PLAC1: variants seen among roughly 807,000 people sequenced by gnomAD.
The protein encoded by PLAC1 is placenta associated 1.
For missense variants in PLAC1, 136 were observed against 163.2 expected, an observed-to-expected ratio of 0.83 and a Z score of 0.91; for synonymous variants, 68 against 62.1, an observed-to-expected ratio of 1.09 and a Z score of -0.44.
intron 2 of PLAC1, among the ~76,000 whole-genome samples, chrX:134,588,519 G>T (rs2078018211): frequency 9.2e-6 from 1 of 108,965 alleles, no homozygotes; most frequent in Non-Finnish European, 1.9e-5. Flanking sequence ...AAATGCTGGT[G>T]AATAAATGAC....
intron 2 of PLAC1, among the ~76,000 whole-genome samples, chrX:134,663,514 G>A (rs748477530): frequency 8.8e-6 from 1 of 113,163 alleles, no homozygotes; most frequent in East Asian, 2.8e-4. Flanking sequence ...ACACTGGTAA[G>A]AAGGGGCATA....
chrX:134,613,060 TGGTAACCCCAGCAACTC>T (rs1389905820), intron 1 of PLAC1, among the ~76,000 whole-genome samples: 1 of 110,589 alleles, frequency 9.0e-6, no homozygotes, highest in East Asian at 2.9e-4. Flanking sequence ...TGGCTAACAC[TGGTAACCCCAGCAACTC>T]GGGAGGCTGA....
At chrX:134,632,511 C>G (rs1424575211) in intron 1 of PLAC1, among the ~76,000 whole-genome samples, 1 of 111,328 alleles carries the variant, frequency 9.0e-6, no homozygotes, top group East Asian at 2.8e-4. Flanking sequence ...CATATTTCCT[C>G]ATCTCCCAGG....
chrX:134,666,085 G>A (rs1569401127), intron 2 of PLAC1, among the ~76,000 whole-genome samples: 2 of 111,443 alleles, frequency 1.8e-5, no homozygotes, highest in South Asian at 3.8e-4. Flanking sequence ...GCAAGCAAAC[G>A]CAGAATCGGG....
chrX:134,574,649 C>T (rs2077927934), intron 2 of PLAC1, among the ~76,000 whole-genome samples: 1 of 111,998 alleles, frequency 8.9e-6, no homozygotes, highest in Non-Finnish European at 1.9e-5. Flanking sequence ...ACTCTTTGTA[C>T]CCCTTTTCCT....
intron 1 of PLAC1, among the ~76,000 whole-genome samples, chrX:134,747,642 A>G (rs1424715468): frequency 9.0e-6 from 1 of 111,589 alleles, no homozygotes; most frequent in Non-Finnish European, 1.9e-5. Flanking sequence ...GAGAGTCAGG[A>G]AACTTGCTGT....
At chrX:134,705,021 T>TATATATATATAC (rs1284412646) in intron 2 of PLAC1, among the ~76,000 whole-genome samples, 8 of 98,281 alleles carry the variant, frequency 8.1e-5, no homozygotes, top group African/African-American at 3.1e-4. Flanking sequence ...TATATATATA[T>TATATATATATAC]ACACACACAC....
chrX:134,641,018 G>A (rs180900478), intron 1 of PLAC1, among the ~76,000 whole-genome samples: 62 of 112,056 alleles, frequency 5.5e-4, no homozygotes, highest in African/African-American at 1.8e-3. Flanking sequence ...AAACTGAGGC[G>A]AGAGGATTGA....
chrX:134,680,917 G>T (rs1173113936), intron 2 of PLAC1, among the ~76,000 whole-genome samples: 1 of 111,688 alleles, frequency 9.0e-6, no homozygotes, highest in Non-Finnish European at 1.9e-5. Context: ...AAGGACCCAA[G>T]TGCCCAGAGA....
At chrX:134,570,003 T>C (rs1242705297) in intron 2 of PLAC1, among the ~76,000 whole-genome samples, 1 of 110,541 alleles carries the variant, frequency 9.0e-6, no homozygotes, top group African/African-American at 3.3e-5. Context: ...CTAATTTTTG[T>C]ATTTTTAGTA....
At chrX:134,638,756 CT>C (rs898945328) in intron 1 of PLAC1, among the ~76,000 whole-genome samples, 3 of 102,622 alleles carry the variant, frequency 2.9e-5, no homozygotes, top group Non-Finnish European at 4.0e-5. Context: ...CCATTGCTGG[CT>C]TTTTTAAAAA....
chrX:134,617,187 T>C (rs1368640828), intron 1 of PLAC1, among the ~76,000 whole-genome samples: 1 of 110,601 alleles, frequency 9.0e-6, no homozygotes, highest in East Asian at 2.8e-4. Context: ...CAGGGTTTCG[T>C]CATGTTGGCC....
chrX:134,605,205 C>T (rs1352981738), intron 1 of PLAC1, among the ~76,000 whole-genome samples: 2 of 111,890 alleles, frequency 1.8e-5, no homozygotes, highest in East Asian at 5.6e-4. Flanking sequence ...TTAGTCTCAG[C>T]TGCCAGCTTA....
chrX:134,565,896 GA>G lies in PLAC1; in HGVS notation c.*147del. The G allele has an allele frequency of 2.3e-6, 1 of 432,387 alleles. No individual in the cohort carries two copies. The highest frequency in any genetic ancestry group is 4.8e-5 in the South Asian group (1 of 20,921). 35.6% of individuals were successfully genotyped at this position (432,387 alleles called of 1,213,427 possible). A position where few individuals can be genotyped will look rare whatever the true frequency, so the allele number is the denominator to read the frequency against. ...GTTTACACATGAATATAAAAATATA[GA>G]AAAAGGCTTAATTCATGAAGTTGCT... is the stretch of plus-strand genomic sequence containing the variant. On this transcript the variant is annotated 3_prime_UTR_variant, in exon 3 of 3. Coordinates refer to ENST00000359237, the MANE Select transcript of PLAC1 (RefSeq NM_021796.4).
intron 2 of PLAC1, among the ~76,000 whole-genome samples, chrX:134,596,808 G>T (rs1285097323): frequency 9.1e-6 from 1 of 110,201 alleles, no homozygotes; most frequent in Non-Finnish European, 1.9e-5. Flanking sequence ...TGTTGTCCAG[G>T]CTGGTCTCAA....
At chrX:134,711,119 C>G (rs759454606) in intron 2 of PLAC1, among the ~76,000 whole-genome samples, 160 of 111,630 alleles carry the variant, frequency 1.4e-3, no homozygotes, top group Non-Finnish European at 1.7e-3. Context: ...CAAGGCAAAG[C>G]TTCAAAGGGC....
At chrX:134,746,162 G>GT (rs1409767674) in intron 1 of PLAC1, among the ~76,000 whole-genome samples, 5 of 112,438 alleles carry the variant, frequency 4.4e-5, no homozygotes, top group African/African-American at 1.6e-4. Context: ...GTTCTGGAGG[G>GT]TATACAATCA....
chrX:134,720,918 G>A (rs560368016), intron 2 of PLAC1, among the ~76,000 whole-genome samples: 75 of 112,406 alleles, frequency 6.7e-4, no homozygotes, highest in African/African-American at 2.2e-3. Context: ...TCAGCATCTC[G>A]AAGTGTTAGG....
intron 2 of PLAC1, among the ~76,000 whole-genome samples, chrX:134,676,312 G>A (rs2078474826): frequency 9.0e-6 from 1 of 111,258 alleles, no homozygotes; most frequent in Admixed American, 9.5e-5. Context: ...CCGAGGCCTG[G>A]TGCACTTTTT....
Sources: allele counts gnomAD v4.1 joint callset (sites outside exome capture counted in the v4.1 genomes callset), GRCh38; gene constraint gnomAD v4.1.1; transcripts MANE v1.5; gene names NCBI Gene and HGNC (gene_info 2026-07-23, HGNC 2026-07-21).